Variants in NRXN1 observed in about 807,000 individuals in gnomAD.
NRXN1 encodes the protein neurexin 1, also known as neurexin-1.
In NRXN1, 39 loss-of-function variants were observed where a neutral mutation model predicts 150.9. The observed-to-expected ratio is 0.26, with a 90% confidence interval of 0.20 to 0.34. The LOEUF is 0.34. Ranked by LOEUF, NRXN1 falls within the 10% of genes least tolerant of loss-of-function variation. The pLI is 1.00. For missense variants in NRXN1, 1,815 were observed against 1,949.9 expected, an observed-to-expected ratio of 0.93 and a Z score of 1.30; for synonymous variants, 924 against 757.0, an observed-to-expected ratio of 1.22 and a Z score of -3.62.
intron 5 of NRXN1, among the ~76,000 whole-genome samples, chr2:50,841,607 C>T (rs986187638): frequency 6.6e-6 from 1 of 152,146 alleles, no homozygotes; most frequent in Non-Finnish European, 1.5e-5. Context: ...ATTTAGAGTG[C>T]TTGTTTCTGG....
intron 17 of NRXN1, among the ~76,000 whole-genome samples, chr2:50,446,732 G>T (rs1378355724): frequency 2.0e-5 from 3 of 151,896 alleles, no homozygotes; most frequent in Non-Finnish European, 4.4e-5. Context: ...TTTAAAAGGG[G>T]AGACACCTAA....
chr2:50,032,646 G>C (rs1462121410), intron 21 of NRXN1, among the ~76,000 whole-genome samples: 1 of 151,944 alleles, frequency 6.6e-6, no homozygotes, highest in East Asian at 1.9e-4. Flanking sequence ...TATTTGAAGA[G>C]AGGAACTTTA....
chr2:50,541,439 G>A (rs56354387), intron 9 of NRXN1, among the ~76,000 whole-genome samples: 2 of 152,146 alleles, frequency 1.3e-5, no homozygotes, highest in East Asian at 1.9e-4. Flanking sequence ...AGGTGGTTTA[G>A]ACAATCATTC....
At chr2:50,484,701 A>T (rs1173654080) in intron 15 of NRXN1, among the ~76,000 whole-genome samples, 1 of 152,224 alleles carries the variant, frequency 6.6e-6, no homozygotes, top group African/African-American at 2.4e-5. Flanking sequence ...TTTGAGGAGA[A>T]CTTCAGGGGC....
intron 21 of NRXN1, among the ~76,000 whole-genome samples, chr2:49,958,436 T>C (rs1675353197): frequency 6.6e-6 from 1 of 152,128 alleles, no homozygotes; most frequent in Non-Finnish European, 1.5e-5. Context: ...TCTGTCTCAC[T>C]CAATTCTGAC....
intron 21 of NRXN1, among the ~76,000 whole-genome samples, chr2:49,962,180 A>T (rs576174895): frequency 6.6e-6 from 1 of 152,332 alleles, no homozygotes; most frequent in Admixed American, 6.5e-5. Context: ...TAAATCTCTC[A>T]GTTTCTTCAT....
rs138350904 is a variant in NRXN1, at chr2:49,951,059, ACT to A, written c.4129-7270_4129-7269del. Among the ~76,000 whole-genome samples the A allele has an allele frequency of 2.2e-3, 327 of 151,960 alleles. 1 individual carries two copies. The highest frequency in any genetic ancestry group is 7.6e-3 in the African/African-American group (314 of 41,502). ...CACTAAAGTGGGTTTGAGTAGAAGA[ACT>A]CTGCCGTGGTAAAGAAATCACATCT... On this transcript the variant is annotated intron_variant, in intron 21 of 22. Coordinates refer to ENST00000401669, the MANE Select transcript of NRXN1 (RefSeq NM_001330078.2).
chr2:50,849,235 G>A (rs1674145101), intron 5 of NRXN1, among the ~76,000 whole-genome samples: 1 of 152,146 alleles, frequency 6.6e-6, no homozygotes, highest in Non-Finnish European at 1.5e-5. Flanking sequence ...CTTCACACAG[G>A]TTTGTTACTG....
intron 13 of NRXN1, among the ~76,000 whole-genome samples, chr2:50,502,018 A>C (rs1476786011): frequency 6.6e-6 from 1 of 152,146 alleles, no homozygotes; most frequent in African/African-American, 2.4e-5. Context: ...AGAAACTCCC[A>C]TTGCTTCTCT....
At chr2:50,279,662 C>T (rs1040966280) in intron 17 of NRXN1, among the ~76,000 whole-genome samples, 84 of 152,146 alleles carry the variant, frequency 5.5e-4, no homozygotes, top group African/African-American at 2.0e-3. Flanking sequence ...TGTGATTTTA[C>T]TAAAGACAGC....
In NRXN1 at chr2:50,531,443, A is replaced by T; in HGVS notation, c.2144-13T>A. ...AAAACCGTTGCCTCTAGAGATGGAA[A>T]ATGAATATGATAAGTTCTTGGATGG... On this transcript the variant is annotated splice_polypyrimidine_tract_variant and intron_variant, in intron 10 of 22. Transcript: ENST00000401669. 1 of 1,597,920 alleles carries T rather than the reference A, an allele frequency of 6.3e-7. No individual in the cohort carries two copies.
At chr2:50,072,672 A>C (rs1696474189) in intron 19 of NRXN1, among the ~76,000 whole-genome samples, 1 of 151,916 alleles carries the variant, frequency 6.6e-6, no homozygotes, top group Non-Finnish European at 1.5e-5. Context: ...AAACTGAACG[A>C]ATGTCTTACA....
At chr2:50,787,188 G>A (rs1234837908) in intron 5 of NRXN1, among the ~76,000 whole-genome samples, 1 of 152,072 alleles carries the variant, frequency 6.6e-6, no homozygotes, top group Admixed American at 6.6e-5. Flanking sequence ...GCTCTGACCG[G>A]AGATTCCAAC....
chr2:50,229,958 A>ATAGAT (rs1389163792), intron 18 of NRXN1, among the ~76,000 whole-genome samples: 1 of 152,054 alleles, frequency 6.6e-6, no homozygotes, highest in Non-Finnish European at 1.5e-5. Flanking sequence ...TAACTTAAGA[A>ATAGAT]TAGATTTGAA....
At chr2:50,888,064 C>T (rs1554195304) in intron 5 of NRXN1, among the ~76,000 whole-genome samples, 1 of 150,904 alleles carries the variant, frequency 6.6e-6, no homozygotes, top group Non-Finnish European at 1.5e-5. Flanking sequence ...CACTGAGAAA[C>T]AATGATATCT....
chr2:50,121,982 T>G (rs1703921249), intron 18 of NRXN1, among the ~76,000 whole-genome samples: 1 of 152,182 alleles, frequency 6.6e-6, no homozygotes, highest in South Asian at 2.1e-4. Context: ...GAGAATCTCC[T>G]CATGTACAAA....
intron 21 of NRXN1, among the ~76,000 whole-genome samples, chr2:49,957,971 T>G (rs563816711): frequency 6.6e-6 from 1 of 152,170 alleles, no homozygotes; most frequent in Non-Finnish European, 1.5e-5. Context: ...AACTTGACTT[T>G]TTAAATTCTT....
In NRXN1 at chr2:50,498,451, G is replaced by C. The variant is rs568229329; in HGVS notation, c.2498-737C>G. Among the ~76,000 whole-genome samples, 3 of 152,150 alleles carry C rather than the reference G, an allele frequency of 2.0e-5. No individual in the cohort carries two copies. In the East Asian group the frequency reaches 5.8e-4, roughly 29 times the overall value. The stretch of plus-strand genomic sequence containing the variant: ...ACTAATTGAAAGCTTGCCCAATTTT[G>C]ATAATACCAGTAAAATTGGCCCACC... On this transcript the variant is annotated intron_variant, in intron 13 of 22. Transcript: ENST00000401669.
intron 17 of NRXN1, among the ~76,000 whole-genome samples, chr2:50,284,117 G>A (rs2152935941): frequency 6.6e-6 from 1 of 152,300 alleles, no homozygotes; most frequent in African/African-American, 2.4e-5. Flanking sequence ...TTGAGACACT[G>A]CTTTCTCTTG....
Sources: gnomAD v4.1 joint callset for allele counts (sites outside exome capture counted in the v4.1 genomes callset) on GRCh38, gnomAD v4.1.1 for gene constraint, MANE v1.5 for transcripts, NCBI Gene and HGNC (gene_info 2026-07-23, HGNC 2026-07-21) for gene names.